The following SLC39A11 variants were observed in gnomAD, a reference collection of about 807,000 sequenced individuals.
SLC39A11 encodes the protein solute carrier family 39 member 11, also known as zinc transporter ZIP11.
Under a neutral mutation model 36.1 loss-of-function variants are expected in SLC39A11, and 33 were observed. The ratio of observed to expected loss-of-function variants is 0.91; its 90% CI spans 0.69 to 1.22. SLC39A11 has a LOEUF of 1.22. Ranked by LOEUF, SLC39A11 falls within the 50% of genes most tolerant of loss-of-function variation. The pLI is 0.00. For synonymous variants in SLC39A11, 166 were observed against 170.3 expected, an observed-to-expected ratio of 0.97 and a Z score of 0.20; for missense variants, 432 against 430.3, an observed-to-expected ratio of 1.00 and a Z score of -0.03.
At chr17:72,902,143 C>T (rs984858354) in intron 5 of SLC39A11, among the ~76,000 whole-genome samples, 10 of 152,022 alleles carry the variant, frequency 6.6e-5, no homozygotes, top group African/African-American at 1.9e-4. Flanking sequence ...TGGTGGCACA[C>T]GCCTGTAATC....
chr17:73,026,187 G>GAGGGAAGAGA (rs1555683084), intron 4 of SLC39A11, among the ~76,000 whole-genome samples: 2 of 3,590 alleles, frequency 5.6e-4, no homozygotes, highest in Non-Finnish European at 2.4e-3. Context: ...AGAAAGAGAA[G>GAGGGAAGAGA]AGAGAAGAGA....
intron 4 of SLC39A11, among the ~76,000 whole-genome samples, chr17:72,999,014 A>G (rs928905668): frequency 1.3e-5 from 2 of 152,216 alleles, no homozygotes; most frequent in African/African-American, 4.8e-5. Flanking sequence ...GAGCAGAACA[A>G]TGACCAGGAC....
intron 6 of SLC39A11, among the ~76,000 whole-genome samples, chr17:72,744,502 A>C (rs939054470): frequency 4.6e-5 from 7 of 152,340 alleles, no homozygotes; most frequent in African/African-American, 1.7e-4. Flanking sequence ...AACAATAAAA[A>C]ACAAGTGTTT....
chr17:72,834,304 T>C (rs1240575012), intron 6 of SLC39A11, among the ~76,000 whole-genome samples: 2 of 152,182 alleles, frequency 1.3e-5, no homozygotes, highest in Non-Finnish European at 2.9e-5. Context: ...CCAGGGACTA[T>C]GGAATTGGAC....
chr17:73,043,221 G>C (rs1417477995), intron 3 of SLC39A11, among the ~76,000 whole-genome samples: 1 of 152,212 alleles, frequency 6.6e-6, no homozygotes, highest in Non-Finnish European at 1.5e-5. Context: ...TAGCTGGGAA[G>C]CGCAGAGTGG....
intron 7 of SLC39A11, among the ~76,000 whole-genome samples, chr17:72,708,369 T>G (rs979662477): frequency 7.9e-5 from 12 of 152,220 alleles, no homozygotes; most frequent in Admixed American, 6.5e-4. Context: ...TCCAGCAGAC[T>G]GCCTTTGAAC....
chr17:72,850,415 T>G (rs570237095), intron 5 of SLC39A11, among the ~76,000 whole-genome samples: 1 of 151,718 alleles, frequency 6.6e-6, no homozygotes, highest in Non-Finnish European at 1.5e-5. Context: ...GATCACACCA[T>G]TGGCCTCCAG....
At chr17:73,086,148 G>A (rs752254285) in intron 2 of SLC39A11, among the ~76,000 whole-genome samples, 1 of 152,172 alleles carries the variant, frequency 6.6e-6, no homozygotes, top group African/African-American at 2.4e-5. Context: ...GAGACTGAAG[G>A]CTCCTGATTG....
intron 4 of SLC39A11, among the ~76,000 whole-genome samples, chr17:72,993,435 A>C (rs2089309031): frequency 6.6e-6 from 1 of 152,254 alleles, no homozygotes; most frequent in South Asian, 2.1e-4. Context: ...AAGTGTCCAC[A>C]GATGATTAAA....
chr17:72,648,187 G>A (rs1466321160), intron 9 of SLC39A11, among the ~76,000 whole-genome samples: 2 of 151,816 alleles, frequency 1.3e-5, no homozygotes, highest in Non-Finnish European at 1.5e-5. Context: ...AAAATTAGCT[G>A]GGCGTAGTGG....
chr17:73,063,316 T>C (rs2059902791), intron 3 of SLC39A11, among the ~76,000 whole-genome samples: 1 of 152,178 alleles, frequency 6.6e-6, no homozygotes, highest in Non-Finnish European at 1.5e-5. Flanking sequence ...ATATACAGAT[T>C]GACCCCTTAT....
rs1267320318 is a variant in SLC39A11, at chr17:73,031,536, A to G, written c.306+20T>C. The G allele has an allele frequency of 6.2e-7, 1 of 1,613,676 alleles. No homozygotes were observed. The highest frequency in any genetic ancestry group is 1.3e-5 in the African/African-American group (1 of 74,908). ...CTGGTTGTATCCCGATACGACAGCT[A>G]AAAGTAGAGTGGTACTCACCAAGTG... On this transcript the variant is annotated intron_variant, in intron 4 of 9. Transcript: ENST00000255559.
chr17:72,649,326 G>T (rs1381980278), intron 7 of SLC39A11, 58 bp from the exon 8 acceptor site: 1 of 1,516,676 alleles, frequency 6.6e-7, no homozygotes, highest in Non-Finnish European at 9.0e-7. Context: ...TCACACAATG[G>T]GAGTCCCTGG....
intron 5 of SLC39A11, among the ~76,000 whole-genome samples, chr17:72,873,662 C>T (rs2080756118): frequency 1.3e-5 from 2 of 152,168 alleles, no homozygotes; most frequent in South Asian, 4.1e-4. Flanking sequence ...CACCCCCTGA[C>T]TCTAGCACCC....
chr17:72,942,989 C>A (rs1243511277), intron 5 of SLC39A11, among the ~76,000 whole-genome samples: 1 of 152,202 alleles, frequency 6.6e-6, no homozygotes, highest in Non-Finnish European at 1.5e-5. Flanking sequence ...CCTCCCTGTT[C>A]TTCAGTTCAT....
At chr17:72,876,857 T>C (rs149481156) in intron 5 of SLC39A11, among the ~76,000 whole-genome samples, 146 of 152,318 alleles carry the variant, frequency 9.6e-4, no homozygotes, top group African/African-American at 3.1e-3. Context: ...GTTTCAGTGA[T>C]TGGCTTTCTG....
chr17:72,681,750 C>T (rs1330704873), intron 7 of SLC39A11, among the ~76,000 whole-genome samples: 2 of 152,204 alleles, frequency 1.3e-5, no homozygotes, highest in Admixed American at 6.5e-5. Flanking sequence ...CCTCCTCCTC[C>T]ACAGCGAACT....
intron 4 of SLC39A11, among the ~76,000 whole-genome samples, chr17:72,965,960 C>T (rs2466509): frequency 0.99 from 151,279 of 152,364 alleles, 75,109 homozygotes; most frequent in East Asian, 1. Context: ...GAAAAAAAGA[C>T]ACCAACTCCC....
intron 4 of SLC39A11, among the ~76,000 whole-genome samples, chr17:72,955,148 C>G (rs542676829): frequency 2.0e-5 from 3 of 152,224 alleles, no homozygotes; most frequent in South Asian, 4.2e-4. Flanking sequence ...TTGAATTATT[C>G]TACACTTGAG....
Sources: allele counts gnomAD v4.1 joint callset (sites outside exome capture counted in the v4.1 genomes callset), GRCh38; gene constraint gnomAD v4.1.1; transcripts MANE v1.5; gene names NCBI Gene and HGNC (gene_info 2026-07-23, HGNC 2026-07-21).